The following CDC42BPA variants were observed in gnomAD, a reference collection of about 807,000 sequenced individuals.
CDC42BPA encodes the protein CDC42 binding protein kinase alpha.
Under a neutral mutation model 223.5 loss-of-function variants are expected in CDC42BPA, and 80 were observed. The ratio of observed to expected loss-of-function variants is 0.36; its 90% CI spans 0.30 to 0.43. CDC42BPA has a LOEUF of 0.43. Among genes scored for constraint, CDC42BPA ranks in the 20% least tolerant of loss-of-function variants. The probability of loss-of-function intolerance (pLI) is 1.00; values close to 1 mark genes in which losing one functional copy is unlikely to be tolerated. For missense variants in CDC42BPA, 1,743 were observed against 2,099.9 expected (o/e 0.83, Z 3.32); for synonymous variants, 694 against 718.6 (o/e 0.97, Z 0.55).
intron 10 of CDC42BPA, among the ~76,000 whole-genome samples, chr1:227,133,308 G>A (rs2149545575): frequency 6.6e-6 from 1 of 151,166 alleles, no homozygotes; most frequent in African/African-American, 2.4e-5. Flanking sequence ...GAGCCCCTCT[G>A]CCCGGCCAGC....
At chr1:227,293,536 G>T (rs1291561098) in intron 1 of CDC42BPA, among the ~76,000 whole-genome samples, 1 of 120,020 alleles carries the variant, frequency 8.3e-6, no homozygotes, top group Non-Finnish European at 1.8e-5. Context: ...AAAAAAAAAA[G>T]ATCTATTGCT....
intron 1 of CDC42BPA, among the ~76,000 whole-genome samples, chr1:227,305,414 A>G (rs73098394): frequency 0.056 from 8,564 of 152,158 alleles, 794 homozygotes; most frequent in African/African-American, 0.19. Flanking sequence ...CATTTGTATA[A>G]TGTCTGCATT....
chr1:227,306,256 AAAAC>A (rs1250099106), intron 1 of CDC42BPA, among the ~76,000 whole-genome samples: 1 of 152,104 alleles, frequency 6.6e-6, no homozygotes, highest in Non-Finnish European at 1.5e-5. Context: ...ATTTAATGGA[AAAAC>A]AAACATGATT....
At chr1:227,092,442 T>C (rs6701743) in intron 15 of CDC42BPA, among the ~76,000 whole-genome samples, 23,510 of 152,230 alleles carry the variant, frequency 0.15, 2,201 homozygotes, top group African/African-American at 0.25. Context: ...TCAAGGTTGA[T>C]AATGGACCAA....
At chr1:227,166,834 C>T (rs2175789) in intron 5 of CDC42BPA, among the ~76,000 whole-genome samples, 122,178 of 151,898 alleles carry the variant, frequency 0.8, 49,396 homozygotes, top group Middle Eastern at 0.87. Flanking sequence ...CTTAATTACT[C>T]CATAAGGATG....
intron 14 of CDC42BPA, among the ~76,000 whole-genome samples, chr1:227,103,286 C>A (rs73099023): frequency 0.15 from 23,487 of 151,804 alleles, 2,203 homozygotes; most frequent in African/African-American, 0.25. Flanking sequence ...AAAGCAATAG[C>A]ATATAAGATA....
rs527450622 is a variant in CDC42BPA at position 227,304,765 on chromosome 1, T to C, written c.178+12240A>G. Among the ~76,000 whole-genome samples the C allele has an allele frequency of 9.8e-5, 15 of 152,338 alleles. No individual in the cohort carries two copies. The South Asian group carries it at 2.7e-3, about 27-fold the overall frequency. On this transcript the variant is annotated intron_variant, in intron 1 of 36. Coordinates refer to ENST00000366766, the MANE Select transcript of CDC42BPA (RefSeq NM_001394014.1). ...TTAGTAAAAGAGTCAAATTCATTTA[T>C]AGCTGGAGTAAAAGATGAGTGTGGG... is the stretch of plus-strand genomic sequence containing the variant.
chr1:227,086,222 C>T (rs1376227331), intron 16 of CDC42BPA, among the ~76,000 whole-genome samples: 2 of 152,106 alleles, frequency 1.3e-5, no homozygotes, highest in Non-Finnish European at 2.9e-5. Flanking sequence ...CTTTGTTTAT[C>T]ATGCACCATT....
intron 34 of CDC42BPA, among the ~76,000 whole-genome samples, chr1:227,009,512 G>C (rs965057328): frequency 6.6e-6 from 1 of 152,258 alleles, no homozygotes; most frequent in East Asian, 1.9e-4. Flanking sequence ...AGGCGCAAGT[G>C]ATCTTCTCCC....
intron 8 of CDC42BPA, among the ~76,000 whole-genome samples, chr1:227,145,086 CTCT>C (rs1558605032): frequency 1.6e-3 from 239 of 152,232 alleles, no homozygotes; most frequent in African/African-American, 5.6e-3. Context: ...CAATTTATTT[CTCT>C]TCAATTGTTG....
chr1:227,208,734 T>C (rs1310614908), intron 3 of CDC42BPA, among the ~76,000 whole-genome samples: 8 of 152,064 alleles, frequency 5.3e-5, no homozygotes, highest in Non-Finnish European at 8.8e-5. Context: ...TTGGTACCAG[T>C]ACCATGCTGT....
intron 5 of CDC42BPA, among the ~76,000 whole-genome samples, chr1:227,185,498 C>T (rs146388931): frequency 9.9e-5 from 15 of 152,164 alleles, no homozygotes; most frequent in Non-Finnish European, 1.5e-4. Flanking sequence ...GGTGGGAGGG[C>T]CAGTTTTTTC....
chr1:227,045,638 A>AT (rs35907967), intron 23 of CDC42BPA, among the ~76,000 whole-genome samples: 2 of 151,366 alleles, frequency 1.3e-5, no homozygotes, highest in African/African-American at 4.9e-5. Flanking sequence ...TTTCTACCTG[A>AT]TTTTTTGCAA....
intron 23 of CDC42BPA, among the ~76,000 whole-genome samples, chr1:227,046,164 A>AT (rs980617917): frequency 5.9e-5 from 9 of 152,080 alleles, no homozygotes; most frequent in African/African-American, 2.2e-4. Context: ...GAATCTTAAC[A>AT]TTTTTAAGAG....
chr1:226,998,949 GAAAA>G (rs1329574806), intron 35 of CDC42BPA, among the ~76,000 whole-genome samples: 1 of 151,432 alleles, frequency 6.6e-6, no homozygotes, highest in South Asian at 2.1e-4. Context: ...AAATTTACAA[GAAAA>G]AAAACCAACC....
chr1:227,218,565 TTAAC>T (rs1203680717), intron 2 of CDC42BPA, among the ~76,000 whole-genome samples: 1 of 152,192 alleles, frequency 6.6e-6, no homozygotes, highest in Non-Finnish European at 1.5e-5. Flanking sequence ...GAGAAGTTAA[TTAAC>T]TTACTCATAG....
chr1:227,059,382 T>C, intron 21 of CDC42BPA: 2 of 1,563,536 alleles, frequency 1.3e-6, no homozygotes, highest in Non-Finnish European at 1.7e-6. Context: ...CACGTCTGCC[T>C]TTGCTAGCTG....
At chr1:226,995,054 A>C in intron 35 of CDC42BPA, 74 bp from the exon 36 acceptor site, 1 of 1,368,290 alleles carries the variant, frequency 7.3e-7, no homozygotes, top group Non-Finnish European at 1.0e-6. Flanking sequence ...CAGACTGCTG[A>C]GCTGACAGGC....
chr1:227,011,549 T>C lies in CDC42BPA; in HGVS notation c.4857+4531A>G, dbSNP rs545305660. ...CTGATAATGTGTTTGTTTTTACTGA[T>C]TTTATTTCCTTATAACAGTTAACCA... On this transcript the variant is annotated intron_variant, in intron 34 of 36. Coordinates refer to ENST00000366766, the MANE Select transcript of CDC42BPA (RefSeq NM_001394014.1). Among the ~76,000 whole-genome samples the C allele has an allele frequency of 5.2e-4, 79 of 152,336 alleles. 3 individuals are homozygous for C. In the South Asian group the frequency reaches 0.015, roughly 30 times the overall value.
Sources: allele counts gnomAD v4.1 joint callset (sites outside exome capture counted in the v4.1 genomes callset), GRCh38; gene constraint gnomAD v4.1.1; transcripts MANE v1.5; gene names NCBI Gene and HGNC (gene_info 2026-07-23, HGNC 2026-07-21).